Variants in ARHGAP26 observed in about 807,000 individuals in gnomAD.
The protein encoded by ARHGAP26 is rho GTPase-activating protein 26.
ARHGAP26 carries 38 observed loss-of-function variants against 104.8 expected under a neutral mutation model. The ratio of observed to expected loss-of-function variants is 0.36; its 90% CI spans 0.28 to 0.48. The LOEUF is 0.48. Among genes scored for constraint, ARHGAP26 ranks in the 20% least tolerant of loss-of-function variants. ARHGAP26 has a pLI of 0.99. For synonymous variants in ARHGAP26, 341 were observed against 340.0 expected (o/e 1.00, Z -0.03); for missense variants, 704 against 947.9 (o/e 0.74, Z 3.38).
At chr5:143,178,875 AT>A (rs781057547) in intron 20 of ARHGAP26, among the ~76,000 whole-genome samples, 191 of 146,156 alleles carry the variant, frequency 1.3e-3, no homozygotes, top group African/African-American at 2.5e-3. Flanking sequence ...TAACTATATG[AT>A]TTTTTTTTTT....
At chr5:142,975,881 A>T (rs774975839) in intron 11 of ARHGAP26, among the ~76,000 whole-genome samples, 1 of 152,260 alleles carries the variant, frequency 6.6e-6, no homozygotes, top group Non-Finnish European at 1.5e-5. Context: ...AACTATAAGC[A>T]TTCTGCAAAT....
chr5:143,057,551 G>T, intron 16 of ARHGAP26, 91 bp from the exon 17 acceptor site: 1 of 994,850 alleles, frequency 1.0e-6, no homozygotes. Context: ...TGGGCTGTTA[G>T]TGCTCATCCT....
intron 12 of ARHGAP26, among the ~76,000 whole-genome samples, chr5:143,029,745 T>A (rs1781602028): frequency 1.3e-5 from 2 of 152,180 alleles, no homozygotes; most frequent in Admixed American, 1.3e-4. Flanking sequence ...CTACAGTGCT[T>A]CCAGCAAATT....
intron 3 of ARHGAP26, among the ~76,000 whole-genome samples, chr5:142,875,960 C>G (rs931871264): frequency 6.6e-6 from 1 of 152,194 alleles, no homozygotes; most frequent in African/African-American, 2.4e-5. Context: ...CCAGGCTGAT[C>G]TCGAACTCCA....
rs1435822097 is a variant in ARHGAP26 at position 142,932,666 on chromosome 5, TCTAA to T, written c.1107+545_1107+548del. ...GGTTGCAGAAATTGTAAGAGTACAG[TCTAA>T]CTATGTGCCACCAACAAAAGAGAAA... On this transcript the variant is annotated intron_variant, in intron 11 of 22. Coordinates refer to ENST00000645722, the MANE Select transcript of ARHGAP26 (RefSeq NM_001135608.3). Among the ~76,000 whole-genome samples, 85 of 152,364 alleles carry T rather than the reference TCTAA, an allele frequency of 5.6e-4. 1 individual carries two copies. Among genetic ancestry groups the T allele is most frequent in the African/African-American group, 1.6e-3 (68 of 41,590 alleles).
chr5:143,082,149 C>T (rs771810953), intron 17 of ARHGAP26, among the ~76,000 whole-genome samples: 1 of 151,452 alleles, frequency 6.6e-6, no homozygotes, highest in Non-Finnish European at 1.5e-5. Context: ...CTATTTATAA[C>T]TTCTGTTTAG....
intron 1 of ARHGAP26, among the ~76,000 whole-genome samples, chr5:142,859,428 T>C (rs1333503299): frequency 6.6e-6 from 1 of 152,200 alleles, no homozygotes; most frequent in Admixed American, 6.5e-5. Flanking sequence ...TCTTTTCTGG[T>C]TTCTTTCCTG....
At chr5:142,890,155 T>A (rs1431763381) in intron 5 of ARHGAP26, among the ~76,000 whole-genome samples, 1,501 of 35,440 alleles carry the variant, frequency 0.042, 19 homozygotes, top group African/African-American at 0.09. Flanking sequence ...AAAAAAAATA[T>A]ATATATATAT....
At chr5:143,058,228 G>C in intron 17 of ARHGAP26, 1 of 365,392 alleles carries the variant, frequency 2.7e-6, no homozygotes, top group South Asian at 2.8e-5. Flanking sequence ...CTATTCCTTA[G>C]TTTCCCCATC....
chr5:142,898,348 T>G (rs1396842523), intron 6 of ARHGAP26, among the ~76,000 whole-genome samples: 1 of 152,172 alleles, frequency 6.6e-6, no homozygotes. Flanking sequence ...TCCATGAAGG[T>G]GAAGCCACAT....
At chr5:143,219,433 C>T (rs967105750) in intron 22 of ARHGAP26, among the ~76,000 whole-genome samples, 2 of 152,108 alleles carry the variant, frequency 1.3e-5, no homozygotes, top group Admixed American at 1.3e-4. Flanking sequence ...AACCAAAACG[C>T]ACTGAAAAAC....
chr5:142,885,205 G>A, intron 4 of ARHGAP26, 93 bp from the exon 5 acceptor site: 1 of 1,032,526 alleles, frequency 9.7e-7, no homozygotes, highest in Non-Finnish European at 1.5e-6. Flanking sequence ...GTCGTCATCT[G>A]TGTTCTGAGC....
chr5:142,832,781 T>G (rs1278896632), intron 1 of ARHGAP26, among the ~76,000 whole-genome samples: 1 of 152,156 alleles, frequency 6.6e-6, no homozygotes, highest in Non-Finnish European at 1.5e-5. Context: ...AGAGAAATGA[T>G]TCAGTGGGAG....
chr5:143,151,240 A>G lies in ARHGAP26; in HGVS notation c.1988+3859A>G, dbSNP rs576634049. On this transcript the variant is annotated intron_variant, in intron 20 of 22. Coordinates refer to ENST00000645722, the MANE Select transcript of ARHGAP26 (RefSeq NM_001135608.3). ...TGAGATACCACTACACACCTCTGAG[A>G]ATGGCCAAAATTCCAGAACACTGAC... 2.0e-5 allele frequency among the ~76,000 whole-genome samples: 3 copies of G among 152,348 alleles called. No homozygotes were observed. The South Asian group carries it at 6.2e-4, about 32-fold the overall frequency.
intron 20 of ARHGAP26, among the ~76,000 whole-genome samples, chr5:143,196,862 C>T (rs1469125853): frequency 6.6e-6 from 1 of 152,146 alleles, no homozygotes; most frequent in Non-Finnish European, 1.5e-5. Context: ...TGCACATGTC[C>T]TCGGATGACC....
chr5:142,905,713 T>A (rs973205719), intron 8 of ARHGAP26, among the ~76,000 whole-genome samples: 1 of 152,204 alleles, frequency 6.6e-6, no homozygotes, highest in African/African-American at 2.4e-5. Context: ...TCTGTTAGGT[T>A]GGTGCAAGAG....
intron 17 of ARHGAP26, among the ~76,000 whole-genome samples, chr5:143,079,046 T>G (rs1005794213): frequency 1.3e-5 from 2 of 152,248 alleles, no homozygotes; most frequent in South Asian, 2.1e-4. Flanking sequence ...GGATTATTAC[T>G]TTATCTTATC....
chr5:142,856,514 A>G (rs2152286388), intron 1 of ARHGAP26, among the ~76,000 whole-genome samples: 1 of 152,314 alleles, frequency 6.6e-6, no homozygotes, highest in Non-Finnish European at 1.5e-5. Flanking sequence ...TTTAAGGCCC[A>G]GGCTCCCTAA....
In ARHGAP26 at chr5:143,029,392, G is replaced by GTTTTTTTTTT. The variant is rs536919888; in HGVS notation, c.1145-7783_1145-7774dup. On this transcript the variant is annotated intron_variant, in intron 12 of 22. Coordinates refer to ENST00000645722, the MANE Select transcript of ARHGAP26 (RefSeq NM_001135608.3). ...CATGTTAGAAATCCTTTACTTCTCAGTTTTTTTTTTTTTTTTTTTTTTTTT... is the reference window on the plus strand; with the variant it reads ...CATGTTAGAAATCCTTTACTTCTCAGTTTTTTTTTTTTTTTTTTTTTTTTTTTTTTTTTTT... 1.1e-4 allele frequency among the ~76,000 whole-genome samples: 9 copies of GTTTTTTTTTT among 80,810 alleles called. 2 individuals are homozygous for GTTTTTTTTTT. Among genetic ancestry groups the GTTTTTTTTTT allele is most frequent in the Non-Finnish European group, 1.7e-4 (7 of 40,684 alleles). The allele number at this position is 80,810 out of a possible 152,430, so 53.0% of individuals were successfully genotyped here.
Sources: allele counts gnomAD v4.1 joint callset (sites outside exome capture counted in the v4.1 genomes callset), GRCh38; gene constraint gnomAD v4.1.1; transcripts MANE v1.5; gene names NCBI Gene and HGNC (gene_info 2026-07-23, HGNC 2026-07-21).